The following PCDH15 variants were observed in gnomAD, a reference collection of about 807,000 sequenced individuals.
PCDH15 encodes protocadherin related 15.
PCDH15 carries 129 observed loss-of-function variants against 178.5 expected under a neutral mutation model. The observed-to-expected ratio is 0.72, with a 90% CI of 0.63 to 0.84. The LOEUF (loss-of-function observed/expected upper bound fraction) is 0.84, where lower values mean the gene tolerates loss of function less well. PCDH15 is among the 40% of genes least tolerant of loss of function. The probability of loss-of-function intolerance (pLI) is 0.00; values close to 1 mark genes in which losing one functional copy is unlikely to be tolerated. For missense variants in PCDH15, 2,230 were observed against 2,099.9 expected, an observed-to-expected ratio of 1.06 and a Z score of -1.21; for synonymous variants, 800 against 732.0, an observed-to-expected ratio of 1.09 and a Z score of -1.50.
chr10:54,789,889 G>A (rs1951224058), intron 1 of PCDH15, among the ~76,000 whole-genome samples: 3 of 151,982 alleles, frequency 2.0e-5, no homozygotes, highest in African/African-American at 7.2e-5. Context: ...ATTATTTAAA[G>A]CAGAATACAA....
chr10:55,135,740 G>T (rs1238682970), intron 2 of PCDH15, among the ~76,000 whole-genome samples: 8 of 151,366 alleles, frequency 5.3e-5, no homozygotes, highest in Non-Finnish European at 1.5e-5. Context: ...ACACCACCCT[G>T]CCTGGCTAAT....
At chr10:55,027,928 G>A (rs1840516231) in intron 2 of PCDH15, among the ~76,000 whole-genome samples, 1 of 151,664 alleles carries the variant, frequency 6.6e-6, no homozygotes, top group Non-Finnish European at 1.5e-5. Context: ...AAGTATTGGG[G>A]AGGAAAAATA....
intron 15 of PCDH15, among the ~76,000 whole-genome samples, chr10:54,094,718 A>G (rs2094667600): frequency 6.6e-6 from 1 of 152,204 alleles, no homozygotes; most frequent in Non-Finnish European, 1.5e-5. Context: ...AACATGGTTA[A>G]GATTAAAGCC....
chr10:54,075,090 T>A (rs1025390587), intron 17 of PCDH15, among the ~76,000 whole-genome samples: 9 of 152,144 alleles, frequency 5.9e-5, no homozygotes, highest in African/African-American at 1.9e-4. Context: ...CTTTAAAAAA[T>A]TCTCGGGCTG....
At chr10:55,374,114 A>AATG (rs1845566912) in intron 2 of PCDH15, among the ~76,000 whole-genome samples, 1 of 150,200 alleles carries the variant, frequency 6.7e-6, no homozygotes, top group Non-Finnish European at 1.5e-5. Context: ...TAATAATAAT[A>AATG]ATAATAATAA....
intron 6 of PCDH15, among the ~76,000 whole-genome samples, chr10:54,344,542 G>T (rs796360091): frequency 2.6e-5 from 4 of 151,980 alleles, no homozygotes; most frequent in African/African-American, 9.6e-5. Flanking sequence ...TAAAAAACAT[G>T]GACTAGTCAT....
At chr10:54,374,884 A>G (rs942635669) in intron 4 of PCDH15, among the ~76,000 whole-genome samples, 2 of 152,008 alleles carry the variant, frequency 1.3e-5, no homozygotes, top group Admixed American at 6.6e-5. Context: ...AATTTTCATG[A>G]AGATCATGTT....
chr10:55,318,384 C>G (rs887769579), intron 1 of PCDH15, among the ~76,000 whole-genome samples: 2 of 151,996 alleles, frequency 1.3e-5, no homozygotes, highest in East Asian at 3.9e-4. Context: ...GAAATAAAAG[C>G]AGACATAGAT....
chr10:54,709,390 T>A (rs1271979080), intron 1 of PCDH15, among the ~76,000 whole-genome samples: 1 of 151,770 alleles, frequency 6.6e-6, no homozygotes, highest in Non-Finnish European at 1.5e-5. Flanking sequence ...AAATACACAT[T>A]TCCTTCAAAA....
chr10:53,906,940 T>A (rs1403167122), intron 25 of PCDH15: 2 of 152,110 alleles, frequency 1.3e-5, no homozygotes, highest in African/African-American at 4.8e-5. Flanking sequence ...CACCAGATTA[T>A]CCACTTGAGA....
chr10:54,949,490 G>A (rs1838279005), intron 2 of PCDH15, among the ~76,000 whole-genome samples: 1 of 151,852 alleles, frequency 6.6e-6, no homozygotes, highest in South Asian at 2.1e-4. Context: ...GACATGCCCT[G>A]GAGACATTTT....
At chr10:55,392,599 A>C (rs1349202360) in intron 2 of PCDH15, among the ~76,000 whole-genome samples, 20 of 152,158 alleles carry the variant, frequency 1.3e-4, no homozygotes, top group Admixed American at 1.3e-3. Context: ...TCAAAATAAA[A>C]TGATCAAAGA....
intron 2 of PCDH15, among the ~76,000 whole-genome samples, chr10:54,926,353 A>G (rs1564634965): frequency 6.6e-6 from 1 of 151,922 alleles, no homozygotes; most frequent in Non-Finnish European, 1.5e-5. Context: ...GTCTGCCAGT[A>G]TTTTGCTGTG....
intron 2 of PCDH15, among the ~76,000 whole-genome samples, chr10:55,073,922 C>T (rs1841814299): frequency 2.0e-5 from 3 of 151,590 alleles, no homozygotes; most frequent in Admixed American, 2.0e-4. Context: ...TCCATGTGTT[C>T]TCATTGTTTA....
chr10:53,928,924 T>A (rs2133958191), intron 25 of PCDH15, among the ~76,000 whole-genome samples: 1 of 152,194 alleles, frequency 6.6e-6, no homozygotes, highest in Non-Finnish European at 1.5e-5. Flanking sequence ...AAGAAAACTG[T>A]ATCTTCTCTC....
chr10:54,112,381 G>T (rs1432987549), intron 15 of PCDH15, among the ~76,000 whole-genome samples: 1 of 151,978 alleles, frequency 6.6e-6, no homozygotes, highest in Non-Finnish European at 1.5e-5. Flanking sequence ...AATGTCTGCA[G>T]ATATTGCCAG....
intron 2 of PCDH15, among the ~76,000 whole-genome samples, chr10:55,097,420 A>C (rs1280095083): frequency 6.6e-6 from 1 of 152,120 alleles, no homozygotes; most frequent in Non-Finnish European, 1.5e-5. Context: ...TGACATATTC[A>C]ATAACATTGA....
chr10:54,932,534 A>G (rs1180170672), intron 2 of PCDH15, among the ~76,000 whole-genome samples: 1 of 152,182 alleles, frequency 6.6e-6, no homozygotes, highest in African/African-American at 2.4e-5. Context: ...TTATAAGTTT[A>G]GTGTCACCTA....
At chr10:55,376,134 C>T (rs1837390342) in intron 2 of PCDH15, among the ~76,000 whole-genome samples, 1 of 151,844 alleles carries the variant, frequency 6.6e-6, no homozygotes, top group African/African-American at 2.4e-5. Context: ...AAAATTCCAC[C>T]TTTCCTGTTC....
Sources: allele counts gnomAD v4.1 joint callset (sites outside exome capture counted in the v4.1 genomes callset), GRCh38; gene constraint gnomAD v4.1.1; transcripts MANE v1.5; gene names NCBI Gene and HGNC (gene_info 2026-07-23, HGNC 2026-07-21).